Variants in CAST observed in about 807,000 individuals in gnomAD.
CAST encodes the protein MIR583 host.
Under a neutral mutation model 119.6 loss-of-function variants are expected in CAST, and 76 were observed. The observed-to-expected ratio is 0.64, with a 90% confidence interval of 0.53 to 0.77. The LOEUF is 0.77. Among genes scored for constraint, CAST ranks in the 30% least tolerant of loss-of-function variants. CAST has a pLI of 0.00. For synonymous variants in CAST, 319 were observed against 331.6 expected (o/e 0.96, Z 0.41); for missense variants, 953 against 946.5 (o/e 1.01, Z -0.09).
At chr5:96,052,034 A>G in the CAST span, among the ~76,000 whole-genome samples, 1 of 152,324 alleles carries the variant, frequency 6.6e-6, no homozygotes, top group East Asian at 1.9e-4. Context: ...AGGGATAGAG[A>G]AGACAGCACA....
At chr5:96,381,209 A>G in the CAST span, among the ~76,000 whole-genome samples, 949 of 152,276 alleles carry the variant, frequency 6.2e-3, 15 homozygotes, top group African/African-American at 0.022. Context: ...CATTAACATT[A>G]TGTTTTGGAA....
chr5:96,357,938 C>T, the CAST span, among the ~76,000 whole-genome samples: 13 of 152,100 alleles, frequency 8.5e-5, no homozygotes, highest in African/African-American at 2.7e-4. Flanking sequence ...TGGTAGAATT[C>T]GGCTGTGAAT....
chr5:96,724,210 C>T (rs762750598), intron 4 of CAST, among the ~76,000 whole-genome samples: 1 of 151,640 alleles, frequency 6.6e-6, no homozygotes, highest in South Asian at 2.1e-4. Flanking sequence ...GAGGCAGGGT[C>T]TCGCTCTGTC....
chr5:96,753,976 T>C (rs1176564602), intron 20 of CAST, 84 bp from the exon 21 acceptor site: 2 of 777,622 alleles, frequency 2.6e-6, no homozygotes, highest in Non-Finnish European at 4.6e-6. Flanking sequence ...TCTGAAATAA[T>C]GATATGCCTT....
At chr5:96,285,331 A>G in the CAST span, among the ~76,000 whole-genome samples, 6 of 152,358 alleles carry the variant, frequency 3.9e-5, no homozygotes, top group South Asian at 1.2e-3. Context: ...GAAATAGCTA[A>G]GGAGGATAGT....
chr5:96,539,577 C>A (rs1745877520), intron 1 of CAST, among the ~76,000 whole-genome samples: 1 of 152,080 alleles, frequency 6.6e-6, no homozygotes, highest in South Asian at 2.1e-4. Flanking sequence ...ACAAACATGT[C>A]ATGTCATGTA....
upstream of CAST, among the ~76,000 whole-genome samples, chr5:96,658,359 G>A (rs532710788): frequency 6.6e-6 from 1 of 152,202 alleles, no homozygotes; most frequent in South Asian, 2.1e-4. Flanking sequence ...ATGGAAAAAT[G>A]GAAAAAGCAC....
chr5:96,746,572 C>A, intron 17 of CAST, 147 bp downstream of exon 17: 1 of 676,228 alleles, frequency 1.5e-6, no homozygotes, highest in Non-Finnish European at 2.7e-6. Flanking sequence ...TTTCTCTGCT[C>A]CCTACAGTTA....
chr5:96,210,309 G>C, the CAST span: 1 of 151,842 alleles, frequency 6.6e-6, no homozygotes, highest in Non-Finnish European at 1.5e-5. Flanking sequence ...AAACAGTTTT[G>C]CAAATTACAC....
At chr5:96,649,671 C>A (rs1748068791) in intron 1 of CAST, among the ~76,000 whole-genome samples, 1 of 152,196 alleles carries the variant, frequency 6.6e-6, no homozygotes, top group Non-Finnish European at 1.5e-5. Context: ...AGTGATGTAA[C>A]TTTGACCCAA....
the CAST span, among the ~76,000 whole-genome samples, chr5:96,105,354 A>G: frequency 2.6e-5 from 4 of 152,220 alleles, no homozygotes; most frequent in African/African-American, 9.6e-5. Context: ...TCCATTCAGT[A>G]TGATATTGGC....
At chr5:96,067,098 A>T in the CAST span, among the ~76,000 whole-genome samples, 3 of 152,180 alleles carry the variant, frequency 2.0e-5, no homozygotes, top group South Asian at 6.2e-4. Flanking sequence ...ATAAAACTAC[A>T]TCTGTGGGAT....
upstream of CAST, among the ~76,000 whole-genome samples, chr5:96,524,064 T>A (rs915376818): frequency 2.0e-5 from 3 of 152,246 alleles, no homozygotes; most frequent in Non-Finnish European, 2.9e-5. Context: ...CCTGCCTTTC[T>A]ATGGATTTAA....
At chr5:96,327,536 T>G in the CAST span, among the ~76,000 whole-genome samples, 4 of 152,216 alleles carry the variant, frequency 2.6e-5, no homozygotes, top group African/African-American at 9.6e-5. Context: ...TTTAGGACGT[T>G]AATTCTCTCC....
chr5:96,772,099 G>C (rs1772602921), intron 31 of CAST: 1 of 155,482 alleles, frequency 6.4e-6, no homozygotes, highest in Non-Finnish European at 1.4e-5. Context: ...ACCAATACAT[G>C]GTGGGGTGGG....
At chr5:96,528,237 C>A (rs1745628205), upstream of CAST, among the ~76,000 whole-genome samples, 1 of 152,054 alleles carries the variant, frequency 6.6e-6, no homozygotes, top group Admixed American at 6.5e-5. Flanking sequence ...ACTCATTCAG[C>A]CTCATTCATA....
At chr5:96,329,942 A>G in the CAST span, among the ~76,000 whole-genome samples, 9 of 152,246 alleles carry the variant, frequency 5.9e-5, no homozygotes, top group Admixed American at 3.9e-4. Context: ...GGGTTGGTTT[A>G]AAAGATATCT....
chr5:96,749,786 T>C (rs1764576949), intron 19 of CAST, among the ~76,000 whole-genome samples: 1 of 152,230 alleles, frequency 6.6e-6, no homozygotes, highest in African/African-American at 2.4e-5. Context: ...ACTCCAGTGA[T>C]CCACCCTCCT....
At chr5:96,662,899 G>A in intron 1 of CAST, 1 of 573,286 alleles carries the variant, frequency 1.7e-6, no homozygotes, top group Non-Finnish European at 3.1e-6. Context: ...GCTGCCTGGA[G>A]ACGCAGAGCC....
Sources: allele counts gnomAD v4.1 joint callset (sites outside exome capture counted in the v4.1 genomes callset), GRCh38; gene constraint gnomAD v4.1.1; transcripts MANE v1.5; gene names NCBI Gene and HGNC (gene_info 2026-07-23, HGNC 2026-07-21).